Variants in CSF3R observed in about 807,000 individuals in gnomAD.
The protein encoded by CSF3R is colony stimulating factor 3 receptor.
CSF3R carries 52 observed loss-of-function variants against 84.4 expected under a neutral mutation model. That is an observed-to-expected ratio of 0.62 (90% CI 0.49 to 0.78). CSF3R has a LOEUF of 0.78. Ranked by LOEUF, CSF3R falls within the 30% of genes least tolerant of loss-of-function variation. The probability of loss-of-function intolerance (pLI) is 0.00; values close to 1 mark genes in which losing one functional copy is unlikely to be tolerated. For missense variants in CSF3R, 890 were observed against 1,055.7 expected, an observed-to-expected ratio of 0.84 and a Z score of 2.17; for synonymous variants, 384 against 429.1, an observed-to-expected ratio of 0.89 and a Z score of 1.30.
At chr1:36,476,153 C>T (rs1413875686) in intron 3 of CSF3R, 1 of 157,256 alleles carries the variant, frequency 6.4e-6, no homozygotes, top group Non-Finnish European at 1.4e-5. Flanking sequence ...CAATTCAAAT[C>T]TGATTCTGCT....
chr1:36,475,894 A>G (rs1570596310), intron 3 of CSF3R: 1 of 540,278 alleles, frequency 1.9e-6, no homozygotes, highest in South Asian at 2.7e-5. Flanking sequence ...CCAGCTTGGC[A>G]GAGAAAAGCA....
At position 36,474,832 on chromosome 1, in the gene CSF3R, C is replaced by T. The variant is rs540928490; in HGVS notation, c.361+545G>A. 1.0e-3 allele frequency among the ~76,000 whole-genome samples: 158 copies of T among 152,194 alleles called. 1 individual carries two copies. The highest frequency in any genetic ancestry group is 2.2e-3 in the Admixed American group (33 of 15,284). ...CAACACTGGCTTTAGAGCCACACTG[C>T]CTCCATCCTTATTAATGTGTGATAA... On this transcript the variant is annotated intron_variant, in intron 4 of 16. Coordinates refer to ENST00000373106, the MANE Select transcript of CSF3R (RefSeq NM_000760.4).
chr1:36,473,421 C>T lies in CSF3R; in HGVS notation c.673+14G>A, dbSNP rs756993905. 1 of 1,613,186 alleles carries T rather than the reference C, an allele frequency of 6.2e-7. No homozygotes were observed. The highest frequency in any genetic ancestry group is 1.1e-5 in the South Asian group (1 of 91,032). ...CCCATTTTGGGGATCCCCTCCCTCCCCTGCATCACCCACCAACATCCATGG... is the reference window on the plus strand; with the variant it reads ...CCCATTTTGGGGATCCCCTCCCTCCTCTGCATCACCCACCAACATCCATGG... On this transcript the variant is annotated intron_variant, in intron 6 of 16. Coordinates refer to ENST00000373106, the MANE Select transcript of CSF3R (RefSeq NM_000760.4).
In CSF3R at chr1:36,468,311, G is replaced by C. The variant is rs1570580012; in HGVS notation, c.1577-90C>G. ...CTTGTGGCTTCCCAGACACTGTGGG[G>C]TGGGTGAGAAAAGAGTCCAAGGGGA... On this transcript the variant is annotated intron_variant, in intron 12 of 16. Coordinates refer to ENST00000373106, the MANE Select transcript of CSF3R (RefSeq NM_000760.4). 2.9e-6 allele frequency: 4 copies of C among 1,392,534 alleles called. No homozygotes were observed. In the East Asian group the frequency reaches 9.3e-5, roughly 32 times the overall value. The allele number at this position is 1,392,534 out of a possible 1,614,324, so 86.3% of individuals were successfully genotyped here.
chr1:36,471,679 T>A, intron 9 of CSF3R, 33 bp from the exon 10 acceptor site: 1 of 1,607,350 alleles, frequency 6.2e-7, no homozygotes, highest in Non-Finnish European at 8.5e-7. Flanking sequence ...GAGAAGGGGA[T>A]GTGCAGCTCA....
intron 1 of CSF3R, 39 bp from the exon 2 acceptor site, chr1:36,481,576 G>A (rs553329793): frequency 1.4e-4 from 21 of 152,336 alleles, no homozygotes; most frequent in Admixed American, 2.6e-4. Flanking sequence ...ACTCCTCAGC[G>A]TTGTTGTGAG....
intron 4 of CSF3R, among the ~76,000 whole-genome samples, chr1:36,474,676 C>T (rs1018513870): frequency 6.6e-5 from 10 of 152,016 alleles, no homozygotes; most frequent in African/African-American, 9.7e-5. Context: ...CAGCTTGGCA[C>T]AAACTCCATC....
intron 10 of CSF3R, among the ~76,000 whole-genome samples, chr1:36,471,146 A>G (rs1650695251): frequency 6.6e-6 from 1 of 152,048 alleles, no homozygotes; most frequent in East Asian, 1.9e-4. Context: ...CCCAGGTTCA[A>G]GCAATTCTCC....
rs1363511755 is a variant in CSF3R, at chr1:36,467,164, G to C, written c.2040+66C>G. On this transcript the variant is annotated intron_variant, in intron 16 of 16. Coordinates refer to ENST00000373106, the MANE Select transcript of CSF3R (RefSeq NM_000760.4). This position sits in a 1 kb window ranked among gnomAD's most constrained non-coding sequence, Gnocchi z 4.1. ...AAGGCCTGAGTACTTGGCTTCAGAAGGTGTCCCTTCACTGAGCCTGGGCCG... is the reference window on the plus strand; with the variant it reads ...AAGGCCTGAGTACTTGGCTTCAGAACGTGTCCCTTCACTGAGCCTGGGCCG... 1.3e-6 allele frequency: 2 copies of C among 1,545,312 alleles called. No homozygotes were observed. The highest frequency in any genetic ancestry group is 2.7e-5 in the African/African-American group (2 of 73,426).
intron 3 of CSF3R, among the ~76,000 whole-genome samples, chr1:36,476,634 T>G (rs1557598594): frequency 6.6e-6 from 1 of 150,946 alleles, no homozygotes. Context: ...TTTTTTTTTT[T>G]GTTGTTGTTG....
intron 10 of CSF3R, 71 bp from the exon 11 acceptor site, chr1:36,469,911 T>G: frequency 6.5e-7 from 1 of 1,538,092 alleles, no homozygotes; most frequent in Non-Finnish European, 8.9e-7. Flanking sequence ...AAGCCTGGGT[T>G]CAAATCCTGG....
At chr1:36,473,283 G>T in intron 6 of CSF3R, 152 bp downstream of exon 6, 1 of 816,426 alleles carries the variant, frequency 1.2e-6, no homozygotes, top group Non-Finnish European at 1.9e-6. Context: ...TCTGTCTCCA[G>T]CTGCACCTTT....
At position 36,466,731 on chromosome 1, in the gene CSF3R, T is replaced by A. The variant is rs753384965; in HGVS notation, c.2137A>T (p.Asn713Tyr). The change falls in exon 17 of 17, where the codon AAC becomes TAC. Residue 713 changes from asparagine (N) to tyrosine (Y), a missense_variant. Asn to Tyr is a moderately radical substitution (Grantham distance 143). Coordinates refer to ENST00000373106, the MANE Select transcript of CSF3R (RefSeq NM_000760.4). This position sits in a 1 kb window ranked among gnomAD's most constrained non-coding sequence, Gnocchi z 4.6. The part of the protein sequence containing the change: ...EKKPVPWESH[N>Y]SSETCGLPTL... ...GGGAGGCCACAGGTCTCTGAGCTGT[T>A]ATGGGACTCCCAGGGCACCGGCTTC... is the stretch of plus-strand genomic sequence containing the variant. 3 of 1,614,138 alleles carry A rather than the reference T, an allele frequency of 1.9e-6. No individual in the cohort carries two copies. The South Asian group carries it at 3.3e-5, about 18-fold the overall frequency.
At position 36,468,190 on chromosome 1, in the gene CSF3R, C is replaced by G. The variant is rs1196522809; in HGVS notation, c.1608G>C (p.Lys536Asn). 6.2e-7 allele frequency: 1 copy of G among 1,606,918 alleles called. No individual in the cohort carries two copies. Among genetic ancestry groups the G allele is most frequent in the South Asian group, 1.1e-5 (1 of 89,986 alleles). Reference protein sequence around the residue: ...APSHAPELHLKHIGKTWAQLE... With the variant: ...APSHAPELHLNHIGKTWAQLE... ...GCTGTGCCCAGGTCTTGCCAATGTG[C>G]TTTAGATGCAGCTCTGGGGCATGGG... is the stretch of plus-strand genomic sequence containing the variant. Residue 536 changes from lysine to asparagine, a missense_variant, in exon 13 of 17, where the codon AAG becomes AAC. Lys to Asn is a moderately conservative substitution (Grantham distance 94). Transcript: ENST00000373106.
intron 3 of CSF3R, among the ~76,000 whole-genome samples, chr1:36,478,257 G>A (rs1055219190): frequency 8.5e-5 from 13 of 152,138 alleles, no homozygotes; most frequent in Admixed American, 4.6e-4. Flanking sequence ...GGCTGGGCGC[G>A]GTGGTTCATG....
In CSF3R at chr1:36,469,296, C is replaced by T. The variant is rs762408201; in HGVS notation, c.1475-39G>A. The T allele has an allele frequency of 9.5e-6, 14 of 1,475,758 alleles. No individual in the cohort carries two copies. In the East Asian group the frequency reaches 3.2e-4, roughly 33 times the overall value. The allele number at this position is 1,475,758 out of a possible 1,614,324, so 91.4% of individuals were successfully genotyped here. ...ATGGGGTAGGCACTTCTGTTAGGGC[C>T]TAACCTGTGCTAATGATCAGGAGCT... On this transcript the variant is annotated intron_variant, in intron 11 of 16. Transcript: ENST00000373106.
In CSF3R at chr1:36,469,723, G is replaced by C. The variant is rs1224825869; in HGVS notation, c.1403C>G (p.Pro468Arg). Reference protein sequence around the residue: ...GYVIEWGLGPPSASNSNKTWR... With the variant: ...GYVIEWGLGPRSASNSNKTWR... ...GGTCTTGTTGCTATTGCTCGCGCTGGGGGGGCCCAGGCCCCACTCAATCAC... is the reference window on the plus strand; with the variant it reads ...GGTCTTGTTGCTATTGCTCGCGCTGCGGGGGCCCAGGCCCCACTCAATCAC... Residue 468 changes from proline to arginine, a missense_variant, in exon 11 of 17, where the codon CCC (proline) becomes CGC (arginine). Physicochemically the swap from Pro to Arg is moderately radical, Grantham distance 103. Transcript: ENST00000373106. 2 of 1,614,176 alleles carry C rather than the reference G, an allele frequency of 1.2e-6. No homozygotes were observed. The highest frequency in any genetic ancestry group is 2.2e-5 in the South Asian group (2 of 91,086).
Position 36,469,675 on chromosome 1 carries a change from C to T in CSF3R, c.1451G>A (p.Arg484Lys), listed in dbSNP as rs1478875151. 4 of 1,614,208 alleles carry T rather than the reference C, an allele frequency of 2.5e-6. No homozygotes were observed. The South Asian group carries it at 4.4e-5, about 18-fold the overall frequency. ...NKTWRMEQNG[R>K]ATGFLLKENI... ...ACCCTTCAGCAGAAACCCCGTGGCTCTCCCATTCTGTTCCATCCTCCAGGT... is the reference window on the plus strand; with the variant it reads ...ACCCTTCAGCAGAAACCCCGTGGCTTTCCCATTCTGTTCCATCCTCCAGGT... The change falls in exon 11 of 17, where the codon AGA becomes AAA. Residue 484 changes from arginine (R) to lysine (K), a missense_variant. Coordinates refer to ENST00000373106, the MANE Select transcript of CSF3R (RefSeq NM_000760.4).
At chr1:36,471,957 A>T in intron 9 of CSF3R, 109 bp downstream of exon 9, 1 of 1,081,950 alleles carries the variant, frequency 9.2e-7, no homozygotes, top group South Asian at 1.3e-5. Context: ...TCACATATAA[A>T]TGCGTCCACG....
Sources: allele counts gnomAD v4.1 joint callset (sites outside exome capture counted in the v4.1 genomes callset), GRCh38; gene constraint gnomAD v4.1.1; non-coding constraint Gnocchi (gnomAD v3.1); transcripts MANE v1.5; gene names NCBI Gene and HGNC (gene_info 2026-07-23, HGNC 2026-07-21).